The following SEMA6A variants were observed in gnomAD, a reference collection of about 807,000 sequenced individuals.
SEMA6A encodes semaphorin-6A.
In SEMA6A, 25 loss-of-function variants were observed where a neutral mutation model predicts 96.8. The observed-to-expected ratio is 0.26, with a 90% CI of 0.19 to 0.36. The LOEUF (loss-of-function observed/expected upper bound fraction) is 0.36. Among genes scored for constraint, SEMA6A ranks in the 10% least tolerant of loss-of-function variants. SEMA6A has a pLI of 1.00. For missense variants in SEMA6A, 1,363 were observed against 1,323.1 expected (o/e 1.03, Z -0.47); for synonymous variants, 612 against 518.0 (o/e 1.18, Z -2.46).
chr5:116,529,345 T>C (rs917151470), intron 1 of SEMA6A, among the ~76,000 whole-genome samples: 2 of 152,148 alleles, frequency 1.3e-5, no homozygotes, highest in African/African-American at 4.8e-5. Context: ...AGGGTGACTA[T>C]AATGAACAAC....
intron 1 of SEMA6A, among the ~76,000 whole-genome samples, chr5:116,566,122 G>A (rs1367791837): frequency 1.3e-5 from 2 of 152,004 alleles, no homozygotes; most frequent in Non-Finnish European, 1.5e-5. Flanking sequence ...ATTTTCCAAT[G>A]GCATGTTTTC....
chr5:116,572,839 AGTCCGGTCGTGCCTGCC>A (rs777322761), intron 1 of SEMA6A, among the ~76,000 whole-genome samples: 37 of 152,258 alleles, frequency 2.4e-4, no homozygotes, highest in Non-Finnish European at 3.5e-4. Flanking sequence ...GCTGAGCCCC[AGTCCGGTCGTGCCTGCC>A]GCCCCTGGCT....
chr5:116,515,958 GTTTTCTTGTTGT>G (rs1758647933), intron 1 of SEMA6A, among the ~76,000 whole-genome samples: 1 of 152,112 alleles, frequency 6.6e-6, no homozygotes, highest in Non-Finnish European at 1.5e-5. Flanking sequence ...AATCCTTACT[GTTTTCTTGTTGT>G]TTGTCAACAT....
rs1199557089 is a variant in SEMA6A at position 116,447,128 on chromosome 5, TGAG to T, written c.2575_2577del (p.Leu859del). ...ACCCCATGGTTGGGACTCTTGCTGCTGAGATGTTCCTTGATGGTCTTATACTCC... is the reference window on the plus strand; with the variant it reads ...ACCCCATGGTTGGGACTCTTGCTGCTATGTTCCTTGATGGTCTTATACTCC... On this transcript the variant is annotated inframe_deletion, in exon 19 of 19. Coordinates refer to ENST00000343348, the MANE Select transcript of SEMA6A (RefSeq NM_020796.5). The T allele has an allele frequency of 6.2e-7, 1 of 1,613,734 alleles. No homozygotes were observed.
chr5:116,564,270 G>C (rs920464561), intron 1 of SEMA6A, among the ~76,000 whole-genome samples: 1 of 151,946 alleles, frequency 6.6e-6, no homozygotes, highest in African/African-American at 2.4e-5. Flanking sequence ...CTAGTAAAAA[G>C]GAAAAAAATG....
intron 1 of SEMA6A, among the ~76,000 whole-genome samples, chr5:116,509,844 T>C (rs750231250): frequency 6.6e-6 from 1 of 152,082 alleles, no homozygotes; most frequent in Non-Finnish European, 1.5e-5. Flanking sequence ...TGTCAGCCAC[T>C]CTCTGAGATC....
chr5:116,478,314 G>A (rs1375718373), intron 13 of SEMA6A, 160 bp from the exon 14 acceptor site: 1 of 812,460 alleles, frequency 1.2e-6, no homozygotes, highest in Non-Finnish European at 1.9e-6. Context: ...ACACACACAT[G>A]TATATGTATC....
chr5:116,541,811 C>T (rs755304411), intron 1 of SEMA6A, among the ~76,000 whole-genome samples: 9 of 152,146 alleles, frequency 5.9e-5, no homozygotes, highest in African/African-American at 1.4e-4. Context: ...CCAGCCTGGG[C>T]GACAGAATGG....
chr5:116,446,671 G>A lies in SEMA6A; in HGVS notation c.3035C>T (p.Pro1012Leu). The stretch of plus-strand genomic sequence containing the variant: ...GGAAAGGGGAGCAAAGGATGGTTTG[G>A]GGGGTACGTCCGGCTTTAGCGAGGG... Reference protein sequence around the residue: ...RTPSLKPDVPPKPSFAPLSTS... With the variant: ...RTPSLKPDVPLKPSFAPLSTS... The change falls in exon 19 of 19, where the codon CCC becomes CTC. Residue 1012 changes from proline (P) to leucine (L), a missense_variant. Pro to Leu is a moderately conservative substitution (Grantham distance 98). This residue lies in a region of SEMA6A where 883 missense variants were observed against 763.6 expected (regional missense o/e 1.16). Coordinates refer to ENST00000343348, the MANE Select transcript of SEMA6A (RefSeq NM_020796.5). The A allele has an allele frequency of 1.3e-6, 2 of 1,555,298 alleles. No homozygotes were observed. The highest frequency in any genetic ancestry group is 1.7e-6 in the Non-Finnish European group (2 of 1,149,176).
At chr5:116,499,027 A>C (rs1176643494) in intron 3 of SEMA6A, 1 of 152,194 alleles carries the variant, frequency 6.6e-6, no homozygotes, top group African/African-American at 2.4e-5. Context: ...GCAGAATTGA[A>C]AGGGGTTCTT....
At chr5:116,551,504 C>T (rs1760408661) in intron 1 of SEMA6A, among the ~76,000 whole-genome samples, 1 of 152,124 alleles carries the variant, frequency 6.6e-6, no homozygotes. Flanking sequence ...ATTTAATCCT[C>T]ACAGCAACCC....
chr5:116,505,566 C>T (rs1018459535), intron 1 of SEMA6A, among the ~76,000 whole-genome samples: 1 of 152,006 alleles, frequency 6.6e-6, no homozygotes, highest in African/African-American at 2.4e-5. Flanking sequence ...TTATGTCATT[C>T]TACAGTGACT....
intron 1 of SEMA6A, among the ~76,000 whole-genome samples, chr5:116,517,489 C>T (rs1449569809): frequency 6.6e-6 from 1 of 152,052 alleles, no homozygotes; most frequent in African/African-American, 2.4e-5. Flanking sequence ...AATCTGATTT[C>T]ACATATTTTT....
chr5:116,481,885 T>C (rs971654091), intron 11 of SEMA6A, among the ~76,000 whole-genome samples: 2 of 152,152 alleles, frequency 1.3e-5, no homozygotes, highest in Non-Finnish European at 2.9e-5. Context: ...GACACTGCAC[T>C]GTATTTGGAC....
At chr5:116,480,075 A>G in intron 12 of SEMA6A, 47 bp downstream of exon 12, 1 of 1,599,454 alleles carries the variant, frequency 6.3e-7, no homozygotes, top group Non-Finnish European at 8.6e-7. Context: ...CTCCGACATG[A>G]GATGAAGTTA....
chr5:116,499,783 G>T (rs771114718), intron 3 of SEMA6A, among the ~76,000 whole-genome samples: 1 of 152,116 alleles, frequency 6.6e-6, no homozygotes, highest in Non-Finnish European at 1.5e-5. Flanking sequence ...CTTCCTTGGG[G>T]TGAGGAGTTA....
chr5:116,475,493 C>T, intron 16 of SEMA6A, 52 bp downstream of exon 16: 1 of 1,297,032 alleles, frequency 7.7e-7, no homozygotes. Flanking sequence ...CTAGGCCATT[C>T]ACTGAAAGCA....
At chr5:116,488,005 G>C in intron 9 of SEMA6A, 103 bp downstream of exon 9, 1 of 729,852 alleles carries the variant, frequency 1.4e-6, no homozygotes, top group Non-Finnish European at 2.3e-6. Flanking sequence ...TCTGTTATTA[G>C]ATTTATGGCT....
intron 1 of SEMA6A, among the ~76,000 whole-genome samples, chr5:116,530,969 ATT>A (rs1449193815): frequency 1.3e-5 from 2 of 152,146 alleles, no homozygotes; most frequent in African/African-American, 4.8e-5. Context: ...TATTATCCCC[ATT>A]TGACAGATAA....
Sources: gnomAD v4.1 joint callset for allele counts (sites outside exome capture counted in the v4.1 genomes callset) on GRCh38, gnomAD v4.1.1 for gene constraint, gnomAD v4.1.1 regional missense constraint, MANE v1.5 for transcripts, NCBI Gene and HGNC (gene_info 2026-07-23, HGNC 2026-07-21) for gene names.